NCAM2: variants seen among roughly 807,000 people sequenced by gnomAD.
The protein encoded by NCAM2 is N-CAM-2.
In NCAM2, 30 loss-of-function variants were observed where a neutral mutation model predicts 98.1. That is an observed-to-expected ratio of 0.31 (90% CI 0.23 to 0.41). The LOEUF (loss-of-function observed/expected upper bound fraction) is 0.41. Ranked by LOEUF, NCAM2 falls within the 10% of genes least tolerant of loss-of-function variation. The pLI, the probability that NCAM2 is intolerant of heterozygous loss-of-function variation, is 1.00. For missense variants in NCAM2, 867 were observed against 1,005.8 expected (o/e 0.86, Z 1.87); for synonymous variants, 368 against 342.4 (o/e 1.07, Z -0.83).
chr21:21,273,961 T>C (rs887829738), intron 1 of NCAM2, among the ~76,000 whole-genome samples: 1 of 151,266 alleles, frequency 6.6e-6, no homozygotes, highest in Non-Finnish European at 1.5e-5. Flanking sequence ...AGGTCGGGAG[T>C]TTGAGACCAG....
chr21:21,465,186 A>T (rs1369068925), intron 12 of NCAM2, among the ~76,000 whole-genome samples: 1 of 152,076 alleles, frequency 6.6e-6, no homozygotes, highest in East Asian at 1.9e-4. Context: ...TCTGGTATTA[A>T]GTAATTTTTA....
chr21:21,092,197 A>G (rs2066027374), intron 1 of NCAM2, among the ~76,000 whole-genome samples: 1 of 152,102 alleles, frequency 6.6e-6, no homozygotes, highest in African/African-American at 2.4e-5. Context: ...ACTAAGAGTT[A>G]CTTAAAATAT....
At chr21:21,180,793 G>T (rs957085865) in intron 1 of NCAM2, among the ~76,000 whole-genome samples, 1 of 152,090 alleles carries the variant, frequency 6.6e-6, no homozygotes, top group Non-Finnish European at 1.5e-5. Flanking sequence ...ATTCTAGAAA[G>T]AAGGAAGAGT....
intron 1 of NCAM2, among the ~76,000 whole-genome samples, chr21:20,999,061 A>T (rs2063971594): frequency 6.6e-6 from 1 of 152,114 alleles, no homozygotes; most frequent in African/African-American, 2.4e-5. Context: ...TGTGTGCAAG[A>T]CGTTCGATTC....
At chr21:21,442,729 T>C (rs1671158638) in intron 12 of NCAM2, among the ~76,000 whole-genome samples, 1 of 152,200 alleles carries the variant, frequency 6.6e-6, no homozygotes, top group South Asian at 2.1e-4. Flanking sequence ...TATTAGTATA[T>C]ATTTTCTTAA....
chr21:21,162,479 C>T (rs763679019), intron 1 of NCAM2, among the ~76,000 whole-genome samples: 16 of 152,010 alleles, frequency 1.1e-4, no homozygotes, highest in Non-Finnish European at 2.1e-4. Context: ...ACCAGTTTAG[C>T]AAATTACTAG....
chr21:21,174,644 T>C (rs1371174808), intron 1 of NCAM2, among the ~76,000 whole-genome samples: 1 of 152,068 alleles, frequency 6.6e-6, no homozygotes, highest in Non-Finnish European at 1.5e-5. Flanking sequence ...AGTGCCTACT[T>C]GATATAAGAA....
intron 9 of NCAM2, among the ~76,000 whole-genome samples, chr21:21,380,845 C>T (rs1376555167): frequency 2.6e-5 from 4 of 152,098 alleles, no homozygotes; most frequent in Admixed American, 6.6e-5. Context: ...TTTGGGAGGT[C>T]GTTATTCTCC....
At chr21:21,071,681 T>G (rs1417635125) in intron 1 of NCAM2, among the ~76,000 whole-genome samples, 1 of 152,158 alleles carries the variant, frequency 6.6e-6, no homozygotes, top group Non-Finnish European at 1.5e-5. Context: ...TTTTAATATT[T>G]TTTTCCTCTG....
intron 1 of NCAM2, among the ~76,000 whole-genome samples, chr21:21,014,939 C>T (rs1344314095): frequency 2.6e-5 from 4 of 152,012 alleles, no homozygotes; most frequent in Non-Finnish European, 2.9e-5. Flanking sequence ...CATGGATGGC[C>T]GAGGTTCAAG....
At chr21:21,321,894 A>G (rs1202475761) in intron 5 of NCAM2, among the ~76,000 whole-genome samples, 1 of 152,218 alleles carries the variant, frequency 6.6e-6, no homozygotes, top group Non-Finnish European at 1.5e-5. Flanking sequence ...ACCATCGTGG[A>G]AAGTAATTTT....
chr21:21,468,488 G>C (rs998564479), intron 13 of NCAM2, among the ~76,000 whole-genome samples, 174 bp from the exon 14 acceptor site: 1 of 151,980 alleles, frequency 6.6e-6, no homozygotes, highest in Non-Finnish European at 1.5e-5. Context: ...TAATGTTGCT[G>C]CTTCTTGGAT....
At chr21:21,534,470 C>A in intron 16 of NCAM2, 67 bp from the exon 17 acceptor site, 1 of 1,310,208 alleles carries the variant, frequency 7.6e-7, no homozygotes, top group Non-Finnish European at 1.0e-6. Flanking sequence ...ATTTTAAACT[C>A]TGTTTTTTTC....
intron 11 of NCAM2, among the ~76,000 whole-genome samples, chr21:21,423,288 C>A (rs902537420): frequency 8.5e-5 from 13 of 152,112 alleles, no homozygotes; most frequent in African/African-American, 2.7e-4. Context: ...AGTTTCTGTG[C>A]AGTCATTCCA....
intron 1 of NCAM2, among the ~76,000 whole-genome samples, chr21:21,135,107 G>T (rs12053688): frequency 6.6e-6 from 1 of 151,358 alleles, no homozygotes; most frequent in African/African-American, 2.4e-5. Flanking sequence ...TTAGCTGGGC[G>T]TGGTGCCGGG....
rs1040689782 is a variant in NCAM2 at position 21,029,844 on chromosome 21, A to G, written c.55+31226A>G. Among the ~76,000 whole-genome samples the G allele has an allele frequency of 1.3e-4, 20 of 151,826 alleles. 1 individual carries two copies. In the South Asian group the frequency reaches 3.1e-3, roughly 24 times the overall value. ...ACGGGGTTTCACCACGTTGGCCAGG[A>G]TGGTCTCAATCTCCTGACCTCGTGA... On this transcript the variant is annotated intron_variant, in intron 1 of 17. Transcript: ENST00000400546.
At chr21:21,215,718 G>T (rs1337172258) in intron 1 of NCAM2, among the ~76,000 whole-genome samples, 1 of 149,644 alleles carries the variant, frequency 6.7e-6, no homozygotes, top group African/African-American at 2.4e-5. Flanking sequence ...ACAGAGCAAA[G>T]ATTCCATTTC....
chr21:21,128,794 T>G (rs1484529507), intron 1 of NCAM2, among the ~76,000 whole-genome samples: 1 of 152,150 alleles, frequency 6.6e-6, no homozygotes, highest in Admixed American at 6.5e-5. Flanking sequence ...AGATCAATGC[T>G]TAAATTAAAT....
At chr21:21,179,620 G>T (rs1391226701) in intron 1 of NCAM2, among the ~76,000 whole-genome samples, 2 of 152,124 alleles carry the variant, frequency 1.3e-5, no homozygotes, top group African/African-American at 4.8e-5. Context: ...TAATTATTTT[G>T]TATCCGGACT....
Sources: gnomAD v4.1 joint callset for allele counts (sites outside exome capture counted in the v4.1 genomes callset) on GRCh38, gnomAD v4.1.1 for gene constraint, MANE v1.5 for transcripts, NCBI Gene and HGNC (gene_info 2026-07-23, HGNC 2026-07-21) for gene names.